The following NUP98 variants were observed in gnomAD, a reference collection of about 807,000 sequenced individuals.
NUP98 encodes the protein nuclear pore complex protein Nup98-Nup96.
Under a neutral mutation model 191.9 loss-of-function variants are expected in NUP98, and 26 were observed. That is an observed-to-expected ratio of 0.14 (90% CI 0.10 to 0.19). The LOEUF is 0.19. Ranked by LOEUF, NUP98 falls within the 10% of genes least tolerant of loss-of-function variation. NUP98 has a pLI of 1.00. For synonymous variants in NUP98, 808 were observed against 778.4 expected, an observed-to-expected ratio of 1.04 and a Z score of -0.63; for missense variants, 1,941 against 2,178.8, an observed-to-expected ratio of 0.89 and a Z score of 2.17.
At chr11:3,760,352 T>C in intron 10 of NUP98, 187 bp downstream of exon 10, 2 of 764,690 alleles carry the variant, frequency 2.6e-6, no homozygotes, top group Non-Finnish European at 4.3e-6. Context: ...ACTTTAAACC[T>C]TTCCCTCTGG....
intron 8 of NUP98, among the ~76,000 whole-genome samples, chr11:3,763,387 G>A (rs922083121): frequency 1.3e-5 from 2 of 152,124 alleles, no homozygotes; most frequent in African/African-American, 4.8e-5. Flanking sequence ...AGAGATGTCA[G>A]GGTTGCAACA....
intron 4 of NUP98, among the ~76,000 whole-genome samples, chr11:3,778,176 G>C (rs1020303906): frequency 2.1e-5 from 3 of 140,786 alleles, no homozygotes; most frequent in African/African-American, 5.4e-5. Context: ...TCCAGCCTGG[G>C]TGACAGAGCG....
chr11:3,695,561 T>C lies in NUP98; in HGVS notation c.4055A>G (p.Gln1352Arg). Residue 1352 changes from glutamine to arginine, a missense_variant, in exon 26 of 33, where the codon CAG (glutamine) becomes CGG (arginine). Physicochemically the swap from Gln to Arg is conservative, Grantham distance 43 (BLOSUM62 1). Coordinates refer to ENST00000324932, the MANE Select transcript of NUP98 (RefSeq NM_016320.5). ...CATGGTGAGCAGCTCCCGGACTGAC[T>C]GGCTACCCACAAACTGAGATAAAAG... ...ALLLSQFVGSQSVRELLTMQL... is the reference protein window; with the variant it reads ...ALLLSQFVGSRSVRELLTMQL... The C allele has an allele frequency of 6.2e-7, 1 of 1,604,948 alleles. No individual in the cohort carries two copies. The highest frequency in any genetic ancestry group is 8.5e-7 in the Non-Finnish European group (1 of 1,176,000).
chr11:3,692,322 G>GA (rs59732118), intron 27 of NUP98, among the ~76,000 whole-genome samples: 18,457 of 126,616 alleles, frequency 0.15, 1,582 homozygotes, highest in East Asian at 0.28. Context: ...GATCTCGATT[G>GA]AAAAAAAAAA....
At chr11:3,682,489 A>G (rs958995505) in intron 30 of NUP98, among the ~76,000 whole-genome samples, 1 of 152,190 alleles carries the variant, frequency 6.6e-6, no homozygotes, top group African/African-American at 2.4e-5. Context: ...TTTCGTGATT[A>G]TTGGGTCTTA....
intron 1 of NUP98, among the ~76,000 whole-genome samples, chr11:3,794,516 G>A (rs2082463919): frequency 6.6e-6 from 1 of 151,966 alleles, no homozygotes; most frequent in Non-Finnish European, 1.5e-5. Flanking sequence ...AAGTACAGAT[G>A]GGGTTTCACC....
intron 23 of NUP98, 93 bp downstream of exon 23, chr11:3,702,346 CTCTCTCTCTCTCTCTCTCTCTCTA>C: frequency 1.5e-6 from 1 of 660,950 alleles, no homozygotes. Flanking sequence ...CTCTCTCTCT[CTCTCTCTCTCTCTCTCTCTCTCTA>C]GAAAGATGAC....
At chr11:3,676,742 A>G in intron 31 of NUP98, 122 bp from the exon 32 acceptor site, 1 of 836,944 alleles carries the variant, frequency 1.2e-6, no homozygotes, top group Non-Finnish European at 2.1e-6. Context: ...ATCCAAGATG[A>G]TGACACAGGG....
At chr11:3,745,802 T>C (rs1398273247) in intron 11 of NUP98, among the ~76,000 whole-genome samples, 4 of 152,242 alleles carry the variant, frequency 2.6e-5, no homozygotes, top group South Asian at 2.1e-4. Flanking sequence ...AAATACCGTT[T>C]ACCAGGAAAA....
chr11:3,758,317 T>C (rs1210151458), intron 10 of NUP98, among the ~76,000 whole-genome samples: 18 of 141,346 alleles, frequency 1.3e-4, no homozygotes, highest in African/African-American at 4.8e-4. Flanking sequence ...CGAGACTCCG[T>C]CTCAAAAAAA....
At chr11:3,776,740 C>T (rs556497513) in intron 4 of NUP98, among the ~76,000 whole-genome samples, 42 of 151,990 alleles carry the variant, frequency 2.8e-4, no homozygotes, top group South Asian at 8.3e-4. Context: ...GATCCATCCA[C>T]CTATGCCTCC....
chr11:3,741,298 C>CA (rs1266405093), intron 12 of NUP98, among the ~76,000 whole-genome samples: 2 of 150,052 alleles, frequency 1.3e-5, no homozygotes, highest in Non-Finnish European at 2.9e-5. Context: ...AAAAAACTTT[C>CA]AGAGAACAAG....
intron 17 of NUP98, 54 bp from the exon 18 acceptor site, chr11:3,719,604 A>AC: frequency 7.8e-7 from 1 of 1,284,450 alleles, no homozygotes; most frequent in Non-Finnish European, 1.1e-6. Context: ...GCAAATACCT[A>AC]CTTTACAACT....
chr11:3,700,717 T>A lies in NUP98; in HGVS notation c.3635A>T (p.His1212Leu). The A allele has an allele frequency of 6.2e-7, 1 of 1,614,022 alleles. No individual in the cohort carries two copies. Among genetic ancestry groups the A allele is most frequent in the South Asian group, 1.1e-5 (1 of 91,072 alleles). ...LELKLKHSTV[H>L]VDELCPLIVP... Reference sequence around the variant, plus strand: ...AATGAGAGGACACAGTTCATCCACATGGACAGTGCTGTGTTTTAATTTGAG... The same window carrying A: ...AATGAGAGGACACAGTTCATCCACAAGGACAGTGCTGTGTTTTAATTTGAG... The change falls in exon 24 of 33, where the codon CAT becomes CTT. Residue 1212 changes from histidine to leucine, a missense_variant. Coordinates refer to ENST00000324932, the MANE Select transcript of NUP98 (RefSeq NM_016320.5).
intron 1 of NUP98, among the ~76,000 whole-genome samples, chr11:3,797,100 C>G (rs1257798388): frequency 6.6e-6 from 1 of 152,266 alleles, no homozygotes; most frequent in African/African-American, 2.4e-5. Flanking sequence ...ACCGTGGGGT[C>G]CTTACACCAC....
intron 28 of NUP98, among the ~76,000 whole-genome samples, chr11:3,689,992 C>CA (rs2078259321): frequency 7.1e-6 from 1 of 140,424 alleles, no homozygotes; most frequent in African/African-American, 2.7e-5. Context: ...TGTTTCATCA[C>CA]CCAGGCTGGA....
chr11:3,702,553 T>C lies in NUP98; in HGVS notation c.3422A>G (p.Glu1141Gly), dbSNP rs1280541060. 3.1e-6 allele frequency: 5 copies of C among 1,613,864 alleles called. No homozygotes were observed. In the African/African-American group the frequency reaches 6.7e-5, roughly 22 times the overall value. Residue 1141 changes from glutamate to glycine, a missense_variant, in exon 23 of 33, where the codon GAA becomes GGA. Around this residue, in one of 6 missense-constraint regions of NUP98, gnomAD observed 1,030 missense variants for 1,115.8 expected, o/e 0.92. Coordinates refer to ENST00000324932, the MANE Select transcript of NUP98 (RefSeq NM_016320.5). ...TAGTTCATGAGAGCCATTCAGCTGT[T>C]CTCCACTATTAGCAAGAGTCCAGTT... ...GPNWTLANSG[E>G]QLNGSHELEN...
At chr11:3,761,707 G>A (rs1002916115) in intron 9 of NUP98, among the ~76,000 whole-genome samples, 1 of 152,096 alleles carries the variant, frequency 6.6e-6, no homozygotes, top group Non-Finnish European at 1.5e-5. Context: ...GCAGTGAGCC[G>A]AGATCGCACG....
rs543883763 is a variant in NUP98 at position 3,701,956 on chromosome 11, G to C, written c.3512+507C>G. On this transcript the variant is annotated intron_variant, in intron 23 of 32. Transcript: ENST00000324932. ...CCCATCTTGGCCTCCCAAAGTGCTG[G>C]GATTACAGGTTGTTTTTTATTTTTT... Among the ~76,000 whole-genome samples, 18 of 151,770 alleles carry C rather than the reference G, an allele frequency of 1.2e-4. No individual in the cohort carries two copies. The East Asian group carries it at 2.2e-3, about 18-fold the overall frequency.
Sources: gnomAD v4.1 joint callset for allele counts (sites outside exome capture counted in the v4.1 genomes callset) on GRCh38, gnomAD v4.1.1 for gene constraint, gnomAD v4.1.1 regional missense constraint, MANE v1.5 for transcripts, NCBI Gene and HGNC (gene_info 2026-07-23, HGNC 2026-07-21) for gene names.